Variants in CACNA1C observed in about 807,000 individuals in gnomAD.
CACNA1C encodes calcium voltage-gated channel subunit alpha1 C, also known as voltage-dependent L-type calcium channel subunit alpha-1C.
CACNA1C carries 30 observed loss-of-function variants against 229.0 expected under a neutral mutation model. That is an observed-to-expected ratio of 0.13 (90% CI 0.10 to 0.18). CACNA1C has a LOEUF of 0.18. Ranked by LOEUF, CACNA1C falls within the 10% of genes least tolerant of loss-of-function variation. CACNA1C has a pLI of 1.00. For missense variants in CACNA1C, 1,658 were observed against 2,845.0 expected (o/e 0.58, Z 9.49); for synonymous variants, 1,114 against 1,132.5 (o/e 0.98, Z 0.33).
rs537892553 is a variant in CACNA1C at position 2,503,992 on chromosome 12, T to C, written c.1114-850T>C. On this transcript the variant is annotated intron_variant, in intron 7 of 46. Transcript: ENST00000399655. ...ATCTTTCCTCACACCTCCTCTGTGG[T>C]TTCAGTTCTCCAGGCCTGTCAGCAG... 4.6e-5 allele frequency among the ~76,000 whole-genome samples: 7 copies of C among 152,302 alleles called. No individual in the cohort carries two copies. The South Asian group carries it at 1.2e-3, about 27-fold the overall frequency.
intron 1 of CACNA1C, among the ~76,000 whole-genome samples, chr12:2,096,593 C>T (rs1195606847): frequency 1.3e-5 from 2 of 152,136 alleles, no homozygotes; most frequent in African/African-American, 4.8e-5. Context: ...AAAATATATG[C>T]AACATAAAAA....
At chr12:2,433,767 C>A (rs1196590707) in intron 3 of CACNA1C, among the ~76,000 whole-genome samples, 2 of 152,148 alleles carry the variant, frequency 1.3e-5, no homozygotes, top group African/African-American at 4.8e-5. Flanking sequence ...TGCCGACTTC[C>A]TTCTCCTTTC....
intron 29 of CACNA1C, among the ~76,000 whole-genome samples, chr12:2,622,811 G>C (rs908023659): frequency 2.0e-5 from 3 of 151,968 alleles, no homozygotes; most frequent in Non-Finnish European, 4.4e-5. Flanking sequence ...CCTGTGTTCC[G>C]CCCCTACAAT....
chr12:2,493,447 A>T lies in CACNA1C; in HGVS notation c.1113+61A>T. On this transcript the variant is annotated intron_variant, in intron 7 of 46. Coordinates refer to ENST00000399655, the MANE Select transcript of CACNA1C (RefSeq NM_000719.7). The surrounding 1 kb of genome is among the most constrained non-coding windows in gnomAD (Gnocchi z 4.6). ...AACAGCGGCCGTGAACCCTTCCCTG[A>T]CACCTCCCTTTCTCCTCCTCCCCAT... 2 of 1,278,944 alleles carry T rather than the reference A, an allele frequency of 1.6e-6. No individual in the cohort carries two copies. Among genetic ancestry groups the T allele is most frequent in the Non-Finnish European group, 2.3e-6 (2 of 881,222 alleles). 79.2% of individuals were successfully genotyped at this position (1,278,944 alleles called of 1,614,324 possible). A position where few individuals can be genotyped will look rare whatever the true frequency, so the allele number is the denominator to read the frequency against.
chr12:2,151,771 G>A (rs1372749384), intron 3 of CACNA1C, among the ~76,000 whole-genome samples: 1 of 152,212 alleles, frequency 6.6e-6, no homozygotes, highest in East Asian at 1.9e-4. Flanking sequence ...CACACACGAA[G>A]CTTGTCTTCC....
chr12:2,387,486 A>G (rs902528674), intron 3 of CACNA1C, among the ~76,000 whole-genome samples: 3 of 151,830 alleles, frequency 2.0e-5, no homozygotes, highest in Admixed American at 6.6e-5. Flanking sequence ...CTCCATCTCA[A>G]AAAGAAAGAA....
intron 1 of CACNA1C, among the ~76,000 whole-genome samples, chr12:2,077,300 A>T (rs935523684): frequency 6.6e-6 from 1 of 152,186 alleles, no homozygotes; most frequent in African/African-American, 2.4e-5. Flanking sequence ...TCTTTTCTAA[A>T]TGTTTTCTTC....
intron 3 of CACNA1C, among the ~76,000 whole-genome samples, chr12:2,177,621 C>CTCT: frequency 9.9e-6 from 1 of 101,314 alleles, no homozygotes. Flanking sequence ...TCCTTCCTTC[C>CTCT]TTCCTTCTCT....
intron 11 of CACNA1C, among the ~76,000 whole-genome samples, chr12:2,558,028 T>C (rs2045416540): frequency 6.6e-6 from 1 of 152,218 alleles, no homozygotes; most frequent in African/African-American, 2.4e-5. Context: ...CCTAGCCCTA[T>C]CTCCTACATG....
Position 2,287,221 on chromosome 12 carries a change from T to A in CACNA1C, c.478-161755T>A, listed in dbSNP as rs2092808173. On this transcript the variant is annotated intron_variant, in intron 3 of 46. Coordinates refer to ENST00000399655, the MANE Select transcript of CACNA1C (RefSeq NM_000719.7). The surrounding 1 kb of genome is among the most constrained non-coding windows in gnomAD (Gnocchi z 4.6). ...TCTCCATTTTTCCCAAGGAATATTC[T>A]AGAGGAAGGGTTTCTGGGAATGACC... is the stretch of plus-strand genomic sequence containing the variant. Among the ~76,000 whole-genome samples the A allele has an allele frequency of 6.6e-6, 1 of 152,234 alleles. No individual in the cohort carries two copies.
chr12:2,648,874 C>A (rs2094614644), intron 31 of CACNA1C, among the ~76,000 whole-genome samples: 1 of 152,136 alleles, frequency 6.6e-6, no homozygotes, highest in Admixed American at 6.5e-5. Context: ...CAGAGGGTAC[C>A]TATGAGAGCC....
At chr12:2,631,279 C>T (rs1488256727) in intron 29 of CACNA1C, among the ~76,000 whole-genome samples, 1 of 152,184 alleles carries the variant, frequency 6.6e-6, no homozygotes, top group African/African-American at 2.4e-5. Context: ...TCTCTCTCCT[C>T]CTCCTCCCAC....
chr12:2,601,823 C>G lies in CACNA1C; in HGVS notation c.2854-31C>G. ...TCTCTGGGCTAGGGCTAGGGCCACT[C>G]ACACTGGTGTTCCTTTGTCCCTCCC... is the stretch of plus-strand genomic sequence containing the variant. On this transcript the variant is annotated intron_variant, in intron 21 of 46. Coordinates refer to ENST00000399655, the MANE Select transcript of CACNA1C (RefSeq NM_000719.7). This position sits in a 1 kb window ranked among gnomAD's most constrained non-coding sequence, Gnocchi z 5.9. 1 of 1,459,468 alleles carries G rather than the reference C, an allele frequency of 6.9e-7. No individual in the cohort carries two copies. Among genetic ancestry groups the G allele is most frequent in the Admixed American group, 1.7e-5 (1 of 59,802 alleles). The allele number at this position is 1,459,468 out of a possible 1,614,324, so 90.4% of individuals were successfully genotyped here.
At chr12:2,381,700 C>T (rs781188995) in intron 3 of CACNA1C, among the ~76,000 whole-genome samples, 1 of 152,210 alleles carries the variant, frequency 6.6e-6, no homozygotes. Context: ...GAGAACTAAC[C>T]CAGTTTCCCC....
At chr12:2,150,752 A>G (rs138185119) in intron 3 of CACNA1C, among the ~76,000 whole-genome samples, 1 of 152,216 alleles carries the variant, frequency 6.6e-6, no homozygotes, top group Non-Finnish European at 1.5e-5. Flanking sequence ...TTAGGTTTTC[A>G]GTTTCCTTCT....
At chr12:2,190,394 C>T (rs999175684) in intron 3 of CACNA1C, among the ~76,000 whole-genome samples, 10 of 152,308 alleles carry the variant, frequency 6.6e-5, no homozygotes, top group African/African-American at 2.4e-4. Flanking sequence ...CCATTCCCTC[C>T]ATCAGCCGTT....
At chr12:2,173,980 T>C (rs2096570558) in intron 3 of CACNA1C, among the ~76,000 whole-genome samples, 1 of 152,118 alleles carries the variant, frequency 6.6e-6, no homozygotes. Context: ...ATTAGCCCCC[T>C]TCCCCCTTAG....
chr12:2,052,612 C>T (rs2052542401), upstream of CACNA1C, among the ~76,000 whole-genome samples: 1 of 139,150 alleles, frequency 7.2e-6, no homozygotes, highest in Admixed American at 6.9e-5. Context: ...TGTGTCCGCG[C>T]CGCGGCCACC....
chr12:2,452,047 C>T (rs114738500), intron 4 of CACNA1C, among the ~76,000 whole-genome samples: 2,052 of 152,190 alleles, frequency 0.013, 38 homozygotes, highest in African/African-American at 0.046. Flanking sequence ...CCTTTGCTTC[C>T]CTGTGTCTCT....
Sources: gnomAD v4.1 joint callset for allele counts (sites outside exome capture counted in the v4.1 genomes callset) on GRCh38, gnomAD v4.1.1 for gene constraint, Gnocchi (gnomAD v3.1) non-coding constraint, MANE v1.5 for transcripts, NCBI Gene and HGNC (gene_info 2026-07-23, HGNC 2026-07-21) for gene names.